PHF10: variants seen among roughly 807,000 people sequenced by gnomAD.
PHF10 encodes the protein BRG1-associated factor 45a.
PHF10 carries 51 observed loss-of-function variants against 68.5 expected under a neutral mutation model. The observed-to-expected ratio is 0.74, with a 90% confidence interval of 0.59 to 0.94. PHF10 has a LOEUF of 0.94. PHF10 is among the 40% of genes least tolerant of loss of function. The pLI, the probability that PHF10 is intolerant of heterozygous loss-of-function variation, is 0.00. For missense variants in PHF10, 460 were observed against 602.6 expected (o/e 0.76, Z 2.48); for synonymous variants, 204 against 203.5 (o/e 1.00, Z -0.02).
chr6:169,712,476 A>T lies in PHF10; in HGVS notation c.867T>A (p.Asp289Glu). ...LNTALYEPPLDPELPALDSDG... is the reference protein window; with the variant it reads ...LNTALYEPPLEPELPALDSDG... The stretch of plus-strand genomic sequence containing the variant: ...CACTGTCTAGAGCAGGGAGCTCAGG[A>T]TCCAGAGGGGGCTCATACAGGGCTG... Residue 289 changes from aspartate to glutamate, a missense_variant, in exon 8 of 12, where the codon GAT (aspartate) becomes GAA (glutamate). Asp to Glu is a conservative substitution (Grantham distance 45, BLOSUM62 2). Coordinates refer to ENST00000339209, the MANE Select transcript of PHF10 (RefSeq NM_018288.4). 6.2e-7 allele frequency: 1 copy of T among 1,613,876 alleles called. No individual in the cohort carries two copies.
intron 9 of PHF10, among the ~76,000 whole-genome samples, chr6:169,706,314 G>A (rs1788782719): frequency 6.8e-6 from 1 of 146,170 alleles, no homozygotes; most frequent in African/African-American, 2.6e-5. Context: ...TTAGTTGTGT[G>A]ATTATTCTCT....
At chr6:169,723,799 G>T in intron 1 of PHF10, 46 bp downstream of exon 1, 1 of 637,382 alleles carries the variant, frequency 1.6e-6, no homozygotes, top group Non-Finnish European at 2.1e-6. Context: ...CCGGCACCCA[G>T]GCCCGGGACG....
At chr6:169,707,561 G>A (rs1788831163) in intron 9 of PHF10, 1 of 152,126 alleles carries the variant, frequency 6.6e-6, no homozygotes, top group Non-Finnish European at 1.5e-5. Context: ...ACTAAAGTCA[G>A]GGAAGTAACC....
At chr6:169,710,846 A>T (rs931081274) in intron 8 of PHF10, among the ~76,000 whole-genome samples, 5 of 152,158 alleles carry the variant, frequency 3.3e-5, no homozygotes, top group Non-Finnish European at 5.9e-5. Context: ...TAGGAAAAAA[A>T]AAAAAAAGTC....
Position 169,715,702 on chromosome 6 carries a change from T to C in PHF10, c.693+6A>G. The stretch of plus-strand genomic sequence containing the variant: ...TTCAGGGGGTACTAAATTTAAGTTA[T>C]CCTACATGTGTCTGCAAGTCAAAAT... On this transcript the variant is annotated splice_donor_region_variant and intron_variant, in intron 6 of 11. Transcript: ENST00000339209. 6.2e-7 allele frequency: 1 copy of C among 1,610,608 alleles called. No individual in the cohort carries two copies. Among genetic ancestry groups the C allele is most frequent in the South Asian group, 1.1e-5 (1 of 90,746 alleles).
rs751110656 is a variant in PHF10, at chr6:169,714,852, C to T, written c.694-10G>A. On this transcript the variant is annotated splice_polypyrimidine_tract_variant and intron_variant, in intron 6 of 11. Coordinates refer to ENST00000339209, the MANE Select transcript of PHF10 (RefSeq NM_018288.4). ...GAGGTACCTGGATAACCTACGTTAA[C>T]ATAAAGAGAAACACAAAACTGATTC... The T allele has an allele frequency of 7.5e-7, 1 of 1,340,896 alleles. No homozygotes were observed. The highest frequency in any genetic ancestry group is 1.1e-6 in the Non-Finnish European group (1 of 930,674). 83.1% of individuals were successfully genotyped at this position (1,340,896 alleles called of 1,614,324 possible).
In PHF10 at chr6:169,718,187, G is replaced by A. The variant is rs550827685; in HGVS notation, c.326-281C>T. Among the ~76,000 whole-genome samples the A allele has an allele frequency of 3.3e-5, 5 of 152,076 alleles. No individual in the cohort carries two copies. The East Asian group carries it at 9.7e-4, about 29-fold the overall frequency. ...AATAGCCTTTCTCAAATTCAGATAC[G>A]GCTCATATAGCTAACTCTATTCCTT... On this transcript the variant is annotated intron_variant, in intron 3 of 11. Transcript: ENST00000339209.
At chr6:169,711,075 T>C (rs116801853) in intron 8 of PHF10, among the ~76,000 whole-genome samples, 261 of 152,312 alleles carry the variant, frequency 1.7e-3, no homozygotes, top group African/African-American at 6.0e-3. Flanking sequence ...AGAGCCTCCC[T>C]GATAAACACA....
rs1303579837 is a variant in PHF10, at chr6:169,724,045, G to A, written c.-114C>T. ...GCCGCGCGGGCCCCCCGCCGCCCCG[G>A]CCCCGCCCCCTCCGCCCGCCCGCCC... On this transcript the variant is annotated 5_prime_UTR_variant, in exon 1 of 12. Coordinates refer to ENST00000339209, the MANE Select transcript of PHF10 (RefSeq NM_018288.4). 13 of 142,974 alleles carry A rather than the reference G, an allele frequency of 9.1e-5. No homozygotes were observed. Among genetic ancestry groups the A allele is most frequent in the African/African-American group, 3.4e-4 (13 of 37,796 alleles). 8.9% of individuals were successfully genotyped at this position (142,974 alleles called of 1,614,324 possible). A position where few individuals can be genotyped will look rare whatever the true frequency, so the allele number is the denominator to read the frequency against.
chr6:169,707,212 C>G (rs1788822235), intron 9 of PHF10: 1 of 152,080 alleles, frequency 6.6e-6, no homozygotes, highest in South Asian at 2.1e-4. Flanking sequence ...ATACCCTGCT[C>G]CCCCCAACAA....
chr6:169,723,115 T>C (rs946987163), intron 1 of PHF10, among the ~76,000 whole-genome samples: 11 of 152,232 alleles, frequency 7.2e-5, no homozygotes, highest in African/African-American at 2.4e-4. Context: ...GCACGAAGGC[T>C]GGCTGGCTCT....
intron 8 of PHF10, among the ~76,000 whole-genome samples, chr6:169,710,843 A>G (rs546349172): frequency 6.6e-6 from 1 of 152,244 alleles, no homozygotes; most frequent in East Asian, 1.9e-4. Flanking sequence ...AGTTAGGAAA[A>G]AAAAAAAAAA....
At chr6:169,715,903 A>G in intron 5 of PHF10, 46 bp from the exon 6 acceptor site, 3 of 1,597,158 alleles carry the variant, frequency 1.9e-6, no homozygotes, top group Non-Finnish European at 2.6e-6. Context: ...ACTTTCTAAA[A>G]TGTCATTTTC....
chr6:169,717,728 T>C, intron 4 of PHF10, 95 bp downstream of exon 4: 1 of 612,936 alleles, frequency 1.6e-6, no homozygotes, highest in South Asian at 2.1e-5. Flanking sequence ...TTTATTTTAT[T>C]AATTTTGTAA....
intron 11 of PHF10, 112 bp downstream of exon 11, chr6:169,705,005 GCTTTGGTCATATTTGC>G: frequency 3.3e-6 from 2 of 601,474 alleles, no homozygotes; most frequent in South Asian, 6.2e-5. Context: ...TATAATCACA[GCTTTGGTCATATTTGC>G]ACATAAGAGT....
chr6:169,711,863 C>G (rs1788932384), intron 8 of PHF10, among the ~76,000 whole-genome samples: 1 of 152,122 alleles, frequency 6.6e-6, no homozygotes, highest in African/African-American at 2.4e-5. Flanking sequence ...CCCAAACCAT[C>G]ATTGGGATTT....
At position 169,708,762 on chromosome 6, in the gene PHF10, C is replaced by T. The variant is rs139360772; in HGVS notation, c.1113+1474G>A. 11 of 152,220 alleles carry T rather than the reference C, an allele frequency of 7.2e-5. 1 individual carries two copies. In the East Asian group the frequency reaches 2.1e-3, roughly 29 times the overall value. 9.4% of individuals were successfully genotyped at this position (152,220 alleles called of 1,614,324 possible). A position where few individuals can be genotyped will look rare whatever the true frequency, so the allele number is the denominator to read the frequency against. ...ATATTCTCTCTTTTTAACCCATGAT[C>T]AATCAAGCTTACTGTTGCAAAGATC... On this transcript the variant is annotated intron_variant, in intron 9 of 11. Coordinates refer to ENST00000339209, the MANE Select transcript of PHF10 (RefSeq NM_018288.4).
Position 169,723,760 on chromosome 6 carries a change from G to A in PHF10, c.87+85C>T, listed in dbSNP as rs1319285666. 1.8e-5 allele frequency: 7 copies of A among 381,064 alleles called. No individual in the cohort carries two copies. In the South Asian group the frequency reaches 7.5e-4, roughly 41 times the overall value. 23.6% of individuals were successfully genotyped at this position (381,064 alleles called of 1,614,324 possible). On this transcript the variant is annotated intron_variant, in intron 1 of 11. Coordinates refer to ENST00000339209, the MANE Select transcript of PHF10 (RefSeq NM_018288.4). ...TGGGCCCACGCCCCCGAGACGCTGG[G>A]CGGCCGCCGGTGGGACTGGGCCCAC...
At chr6:169,718,694 T>C (rs899465821) in intron 3 of PHF10, 94 bp downstream of exon 3, 2 of 760,994 alleles carry the variant, frequency 2.6e-6, no homozygotes, top group African/African-American at 3.6e-5. Context: ...AGCACAAGAA[T>C]ATAAAATATA....
Sources: gnomAD v4.1 joint callset for allele counts (sites outside exome capture counted in the v4.1 genomes callset) on GRCh38, gnomAD v4.1.1 for gene constraint, MANE v1.5 for transcripts, NCBI Gene and HGNC (gene_info 2026-07-23, HGNC 2026-07-21) for gene names.